The following CEP55 variants were observed in gnomAD, a reference collection of about 807,000 sequenced individuals.
The protein encoded by CEP55 is centrosomal protein 55.
A neutral mutation model predicts 63.2 loss-of-function variants in CEP55; 57 were observed. The ratio of observed to expected loss-of-function variants is 0.90; its 90% confidence interval spans 0.73 to 1.13. The LOEUF is 1.13. CEP55 is among the 50% of genes most tolerant of loss of function. The probability of loss-of-function intolerance (pLI) is 0.00; values close to 1 mark genes in which losing one functional copy is unlikely to be tolerated. For missense variants in CEP55, 456 were observed against 518.9 expected (o/e 0.88, Z 1.18); for synonymous variants, 178 against 191.6 (o/e 0.93, Z 0.59).
intron 2 of CEP55, among the ~76,000 whole-genome samples, chr10:93,502,859 C>G (rs945853704): frequency 1.8e-4 from 28 of 152,310 alleles, no homozygotes; most frequent in African/African-American, 5.8e-4. Flanking sequence ...GGTGGTTTCT[C>G]CTTTCTTTGT....
At chr10:93,503,063 T>A (rs779189090) in intron 2 of CEP55, 50 bp from the exon 3 acceptor site, 4 of 1,509,166 alleles carry the variant, frequency 2.7e-6, no homozygotes, top group Non-Finnish European at 3.6e-6. Context: ...ATTGTTTAGC[T>A]AGATGTTTGA....
At chr10:93,510,443 T>C (rs2057733830) in intron 4 of CEP55, 2 of 152,220 alleles carry the variant, frequency 1.3e-5, no homozygotes, top group Admixed American at 1.3e-4. Context: ...CAACCGTTGT[T>C]AACATGTTAC....
chr10:93,513,283 C>G (rs1212333172), intron 4 of CEP55, among the ~76,000 whole-genome samples: 2 of 152,214 alleles, frequency 1.3e-5, no homozygotes, highest in African/African-American at 4.8e-5. Context: ...AGCAAACAGA[C>G]ACTGAAAATC....
At chr10:93,519,150 C>T in intron 7 of CEP55, 1 of 513,802 alleles carries the variant, frequency 1.9e-6, no homozygotes, top group South Asian at 2.9e-5. Context: ...TGACCTTAGG[C>T]TAAACAGATT....
chr10:93,520,027 C>A, intron 8 of CEP55: 1 of 561,194 alleles, frequency 1.8e-6, no homozygotes, highest in Non-Finnish European at 3.2e-6. Context: ...CCAACTACCC[C>A]AGCTGCTGTG....
chr10:93,517,151 A>G lies in CEP55; in HGVS notation c.896A>G (p.His299Arg). 3.1e-6 allele frequency: 5 copies of G among 1,614,030 alleles called. No individual in the cohort carries two copies. The highest frequency in any genetic ancestry group is 1.3e-5 in the African/African-American group (1 of 75,076). Reference protein sequence around the residue: ...ADVQHLEDDRHKTEKIQKLRE... With the variant: ...ADVQHLEDDRRKTEKIQKLRE... ...GTGCAACATCTGGAAGATGATAGGC[A>G]TAAAACAGAGAAGATACAAAAACTC... Residue 299 changes from histidine (H) to arginine (R), a missense_variant, in exon 6 of 9, where the codon CAT becomes CGT. Coordinates refer to ENST00000371485, the MANE Select transcript of CEP55 (RefSeq NM_018131.5).
At chr10:93,524,393 A>G (rs1346144317) in intron 8 of CEP55, among the ~76,000 whole-genome samples, 1 of 152,180 alleles carries the variant, frequency 6.6e-6, no homozygotes, top group East Asian at 1.9e-4. Flanking sequence ...AACCAGGAAG[A>G]AGTTGAATCT....
At chr10:93,519,151 TA>T in intron 7 of CEP55, 1 of 512,434 alleles carries the variant, frequency 2.0e-6, no homozygotes, top group Middle Eastern at 5.0e-4. Context: ...GACCTTAGGC[TA>T]AACAGATTCT....
chr10:93,509,332 A>G (rs2057719071), intron 4 of CEP55, among the ~76,000 whole-genome samples: 1 of 152,114 alleles, frequency 6.6e-6, no homozygotes. Context: ...TCTTCTACAA[A>G]TGGTGGTCTA....
At chr10:93,516,726 G>GT (rs1564766465) in intron 5 of CEP55, among the ~76,000 whole-genome samples, 1 of 151,988 alleles carries the variant, frequency 6.6e-6, no homozygotes, top group African/African-American at 2.4e-5. Flanking sequence ...ACTGTTTTTA[G>GT]TTCTTCTATT....
At chr10:93,526,476 C>A (rs2057923337) in intron 8 of CEP55, among the ~76,000 whole-genome samples, 1 of 152,148 alleles carries the variant, frequency 6.6e-6, no homozygotes, top group South Asian at 2.1e-4. Context: ...AACACTTTTA[C>A]ACTGTTGGTG....
chr10:93,507,898 C>T (rs574408526), intron 4 of CEP55, among the ~76,000 whole-genome samples: 3 of 152,330 alleles, frequency 2.0e-5, no homozygotes, highest in Middle Eastern at 3.4e-3. Context: ...CTGCCTGCCT[C>T]GGCCTCCCAG....
rs1230477362 is a variant in CEP55 at position 93,517,082 on chromosome 10, T to G, written c.827T>G (p.Val276Gly). 1.9e-6 allele frequency: 3 copies of G among 1,613,914 alleles called. No individual in the cohort carries two copies. The highest frequency in any genetic ancestry group is 2.5e-6 in the Non-Finnish European group (3 of 1,179,952). ...RRKYEETQKE[V>G]HNLNQLLYSQ... ...AAATATGAAGAAACCCAAAAAGAAGTTCACAATTTAAATCAGCTGTTGTAT... is the reference window on the plus strand; with the variant it reads ...AAATATGAAGAAACCCAAAAAGAAGGTCACAATTTAAATCAGCTGTTGTAT... Residue 276 changes from valine to glycine, a missense_variant, in exon 6 of 9, where the codon GTT becomes GGT. Transcript: ENST00000371485.
chr10:93,500,717 T>A, intron 2 of CEP55, among the ~76,000 whole-genome samples: 1 of 152,208 alleles, frequency 6.6e-6, no homozygotes, highest in Non-Finnish European at 1.5e-5. Context: ...ATTTTCGCTA[T>A]TTTTAAATTG....
At position 93,507,654 on chromosome 10, in the gene CEP55, T is replaced by C. The variant is rs538739059; in HGVS notation, c.528+598T>C. 2.9e-4 allele frequency among the ~76,000 whole-genome samples: 44 copies of C among 152,298 alleles called. 1 individual carries two copies. The highest frequency in any genetic ancestry group is 1.0e-3 in the African/African-American group (42 of 41,568). ...TTTATTGTTTCTTGTTTTTTCAGTATTTTTCTCTTTTTGAGATGGAGTCTT... is the reference window on the plus strand; with the variant it reads ...TTTATTGTTTCTTGTTTTTTCAGTACTTTTCTCTTTTTGAGATGGAGTCTT... On this transcript the variant is annotated intron_variant, in intron 4 of 8. Coordinates refer to ENST00000371485, the MANE Select transcript of CEP55 (RefSeq NM_018131.5).
At chr10:93,521,444 C>T (rs558772505) in intron 8 of CEP55, among the ~76,000 whole-genome samples, 21 of 152,206 alleles carry the variant, frequency 1.4e-4, no homozygotes, top group South Asian at 4.2e-4. Context: ...ACAAAGCGGC[C>T]GGGAAGCTCG....
chr10:93,504,984 GTAT>G (rs2057673099), intron 3 of CEP55, among the ~76,000 whole-genome samples: 1 of 151,598 alleles, frequency 6.6e-6, no homozygotes, highest in Admixed American at 6.6e-5. Context: ...GCTGATTTTT[GTAT>G]TATTAATAGA....
At position 93,528,363 on chromosome 10, in the gene CEP55, A is replaced by G; in HGVS notation, c.*210A>G. The G allele has an allele frequency of 1.7e-6, 1 of 576,324 alleles. No individual in the cohort carries two copies. Among genetic ancestry groups the G allele is most frequent in the Non-Finnish European group, 3.1e-6 (1 of 324,238 alleles). 35.7% of individuals were successfully genotyped at this position (576,324 alleles called of 1,614,324 possible). On this transcript the variant is annotated 3_prime_UTR_variant, in exon 9 of 9. Coordinates refer to ENST00000371485, the MANE Select transcript of CEP55 (RefSeq NM_018131.5). ...CTGACATGGTTCATCATCAGGCTGC[A>G]ATGACAGAATGTGGTGAGCAGCGTC... is the stretch of plus-strand genomic sequence containing the variant.
chr10:93,527,803 C>G, intron 8 of CEP55, 147 bp from the exon 9 acceptor site: 1 of 652,148 alleles, frequency 1.5e-6, no homozygotes, highest in South Asian at 2.0e-5. Context: ...ATTGCTTAAG[C>G]CTGGGAGGTC....
Sources: allele counts gnomAD v4.1 joint callset (sites outside exome capture counted in the v4.1 genomes callset), GRCh38; gene constraint gnomAD v4.1.1; transcripts MANE v1.5; gene names NCBI Gene and HGNC (gene_info 2026-07-23, HGNC 2026-07-21).